Variants in GRIA2 observed in about 807,000 individuals in gnomAD.
GRIA2 encodes the protein glutamate ionotropic receptor AMPA type subunit 2.
In GRIA2, 14 loss-of-function variants were observed where a neutral mutation model predicts 97.3. That is an observed-to-expected ratio of 0.14 (90% CI 0.10 to 0.23). The LOEUF (loss-of-function observed/expected upper bound fraction) is 0.23, where lower values mean the gene tolerates loss of function less well. GRIA2 is among the 10% of genes least tolerant of loss of function. The probability of loss-of-function intolerance (pLI) is 1.00; values close to 1 mark genes in which losing one functional copy is unlikely to be tolerated. For synonymous variants in GRIA2, 412 were observed against 387.8 expected (o/e 1.06, Z -0.73); for missense variants, 558 against 1,069.8 (o/e 0.52, Z 6.67).
At chr4:157,359,739 T>C (rs1330495406) in intron 12 of GRIA2, among the ~76,000 whole-genome samples, 157 bp from the exon 13 acceptor site, 1 of 152,154 alleles carries the variant, frequency 6.6e-6, no homozygotes, top group Non-Finnish European at 1.5e-5. Context: ...AACAATTTCA[T>C]AGAATTGTTA....
At chr4:157,255,280 C>T (rs1046924448) in intron 2 of GRIA2, among the ~76,000 whole-genome samples, 46 of 151,742 alleles carry the variant, frequency 3.0e-4, no homozygotes, top group African/African-American at 1.0e-3. Flanking sequence ...CACACACACA[C>T]CATATTGTCT....
At chr4:157,277,836 ATATATATATG>A (rs898227521) in intron 2 of GRIA2, among the ~76,000 whole-genome samples, 1 of 121,254 alleles carries the variant, frequency 8.2e-6, no homozygotes, top group African/African-American at 3.3e-5. Context: ...GTATATATGT[ATATATATATG>A]TATATATGTA....
intron 2 of GRIA2, among the ~76,000 whole-genome samples, chr4:157,294,357 TC>T (rs1733243789): frequency 2.6e-5 from 4 of 151,894 alleles, no homozygotes; most frequent in Admixed American, 2.6e-4. Context: ...ACATACATAA[TC>T]CCTCGGTCTT....
rs1377712573 is a variant in GRIA2 at position 157,284,258 on chromosome 4, G to T, written c.230-19294G>T. Reference sequence around the variant, plus strand: ...AGCATTTATTTCTTAACACAGCTTGGTTGTTACTTTATTGAGAACTTAAAA... The same window carrying T: ...AGCATTTATTTCTTAACACAGCTTGTTTGTTACTTTATTGAGAACTTAAAA... On this transcript the variant is annotated intron_variant, in intron 2 of 15. Coordinates refer to ENST00000264426, the MANE Select transcript of GRIA2 (RefSeq NM_001083619.3). Among the ~76,000 whole-genome samples, 4 of 151,730 alleles carry T rather than the reference G, an allele frequency of 2.6e-5. No individual in the cohort carries two copies. In the East Asian group the frequency reaches 7.8e-4, roughly 29 times the overall value.
At chr4:157,324,009 A>T (rs1734699960) in intron 6 of GRIA2, among the ~76,000 whole-genome samples, 1 of 152,168 alleles carries the variant, frequency 6.6e-6, no homozygotes, top group Admixed American at 6.5e-5. Flanking sequence ...TGGGTCCAGG[A>T]TTCTCATCTG....
chr4:157,250,766 T>C (rs186967409), intron 2 of GRIA2, among the ~76,000 whole-genome samples: 3 of 152,220 alleles, frequency 2.0e-5, no homozygotes, highest in Admixed American at 6.5e-5. Context: ...ATAATAAAAA[T>C]CTTTCTCCAC....
rs1018797797 is a variant in GRIA2 at position 157,364,311 on chromosome 4, G to A, written c.*880G>A. 6 of 152,290 alleles carry A rather than the reference G, an allele frequency of 3.9e-5. No homozygotes were observed. Among genetic ancestry groups the A allele is most frequent in the African/African-American group, 1.5e-4 (6 of 41,366 alleles). The allele number at this position is 152,290 out of a possible 1,614,324, so 9.4% of individuals were successfully genotyped here. A position where few individuals can be genotyped will look rare whatever the true frequency, so the allele number is the denominator to read the frequency against. On this transcript the variant is annotated 3_prime_UTR_variant, in exon 16 of 16. Coordinates refer to ENST00000264426, the MANE Select transcript of GRIA2 (RefSeq NM_001083619.3). ...TATTGCAAGTGGTCCAATTAATTTT[G>A]CTTAGCTACAGTTTGGTCATAAATC...
chr4:157,294,346 C>T (rs1233351619), intron 2 of GRIA2, among the ~76,000 whole-genome samples: 3 of 151,472 alleles, frequency 2.0e-5, no homozygotes, highest in African/African-American at 7.3e-5. Flanking sequence ...CTATGTTTAA[C>T]ACATACATAA....
At chr4:157,322,031 T>C (rs1247282852) in intron 6 of GRIA2, among the ~76,000 whole-genome samples, 1 of 152,020 alleles carries the variant, frequency 6.6e-6, no homozygotes, top group African/African-American at 2.4e-5. Flanking sequence ...GGGTAGGGAA[T>C]TTTTAAGCTG....
chr4:157,306,346 G>A (rs544405942), intron 3 of GRIA2, among the ~76,000 whole-genome samples: 31 of 152,072 alleles, frequency 2.0e-4, no homozygotes, highest in Middle Eastern at 3.4e-3. Context: ...ATGGACTTAC[G>A]TACTTGTGAA....
At chr4:157,233,243 G>A (rs375389250) in intron 2 of GRIA2, among the ~76,000 whole-genome samples, 1 of 152,120 alleles carries the variant, frequency 6.6e-6, no homozygotes, top group Non-Finnish European at 1.5e-5. Flanking sequence ...TATAGGACGA[G>A]AATGATTTTT....
intron 2 of GRIA2, among the ~76,000 whole-genome samples, chr4:157,259,033 G>A (rs1251092884): frequency 6.6e-6 from 1 of 151,914 alleles, no homozygotes; most frequent in Non-Finnish European, 1.5e-5. Context: ...ACCAGCCTGG[G>A]TAATATGGCA....
chr4:157,363,757 C>T lies in GRIA2; in HGVS notation c.*326C>T, dbSNP rs1736748279. The T allele has an allele frequency of 2.5e-6, 1 of 400,894 alleles. No homozygotes were observed. The highest frequency in any genetic ancestry group is 4.4e-6 in the Non-Finnish European group (1 of 229,374). The allele number at this position is 400,894 out of a possible 1,614,324, so 24.8% of individuals were successfully genotyped here. A position where few individuals can be genotyped will look rare whatever the true frequency, so the allele number is the denominator to read the frequency against. On this transcript the variant is annotated 3_prime_UTR_variant, in exon 16 of 16. Coordinates refer to ENST00000264426, the MANE Select transcript of GRIA2 (RefSeq NM_001083619.3). ...AATTGTAAGGAATGATTAATTAAAA[C>T]ACAACATCTTTTTCTACTCGAGTTA...
intron 2 of GRIA2, among the ~76,000 whole-genome samples, chr4:157,260,528 AG>A (rs1731484323): frequency 6.6e-6 from 1 of 152,090 alleles, no homozygotes. Flanking sequence ...GTGAAGAAAA[AG>A]GTCACTCCCC....
chr4:157,224,610 A>G (rs1298593414), intron 2 of GRIA2, among the ~76,000 whole-genome samples: 2 of 152,144 alleles, frequency 1.3e-5, no homozygotes, highest in Non-Finnish European at 2.9e-5. Flanking sequence ...AATGAGAGAG[A>G]GGGAAAGGGA....
At chr4:157,334,304 T>TC (rs1735190738) in intron 9 of GRIA2, 184 bp downstream of exon 9, 4 of 530,380 alleles carry the variant, frequency 7.5e-6, no homozygotes, top group Non-Finnish European at 1.0e-5. Flanking sequence ...TTGAAAATGT[T>TC]CCCCATTTTC....
intron 2 of GRIA2, among the ~76,000 whole-genome samples, chr4:157,254,503 C>T (rs974994948): frequency 4.0e-5 from 6 of 151,718 alleles, no homozygotes; most frequent in Non-Finnish European, 5.9e-5. Context: ...GGAAAGAGCC[C>T]CTGAAATCAA....
intron 2 of GRIA2, among the ~76,000 whole-genome samples, chr4:157,245,691 G>A (rs1730701554): frequency 6.6e-6 from 1 of 152,032 alleles, no homozygotes; most frequent in Non-Finnish European, 1.5e-5. Flanking sequence ...ATGCTTTCTA[G>A]AAAGAAAGAT....
intron 2 of GRIA2, among the ~76,000 whole-genome samples, chr4:157,264,161 G>T (rs1282705335): frequency 1.3e-5 from 2 of 151,956 alleles, no homozygotes; most frequent in African/African-American, 4.8e-5. Flanking sequence ...TAATGTATTG[G>T]CTTTCTATTG....
Sources: allele counts gnomAD v4.1 joint callset (sites outside exome capture counted in the v4.1 genomes callset), GRCh38; gene constraint gnomAD v4.1.1; transcripts MANE v1.5; gene names NCBI Gene and HGNC (gene_info 2026-07-23, HGNC 2026-07-21).